CPLANE1: variants seen among roughly 807,000 people sequenced by gnomAD.
CPLANE1 encodes the protein ciliogenesis and planar polarity effector 1.
A neutral mutation model predicts 362.5 loss-of-function variants in CPLANE1; 263 were observed. The ratio of observed to expected loss-of-function variants is 0.73; its 90% CI spans 0.66 to 0.80. CPLANE1 has a LOEUF of 0.80. Among genes scored for constraint, CPLANE1 ranks in the 30% least tolerant of loss-of-function variants. CPLANE1 has a pLI of 0.00. For missense variants in CPLANE1, 3,461 were observed against 3,793.4 expected (o/e 0.91, Z 2.30); for synonymous variants, 1,212 against 1,302.6 (o/e 0.93, Z 1.50).
At chr5:37,246,062 T>C (rs1739518458) in intron 2 of CPLANE1, 1 of 324,734 alleles carries the variant, frequency 3.1e-6, no homozygotes, top group Middle Eastern at 8.4e-4. Context: ...TAAGGCTACC[T>C]AGTAGTTGTA....
At chr5:37,113,945 TG>T (rs1760123824) in intron 51 of CPLANE1, among the ~76,000 whole-genome samples, 1 of 152,134 alleles carries the variant, frequency 6.6e-6, no homozygotes, top group African/African-American at 2.4e-5. Context: ...CCCAAGTAGC[TG>T]GGACTACAGG....
chr5:37,170,555 G>T (rs997216573), intron 32 of CPLANE1, among the ~76,000 whole-genome samples: 1 of 151,834 alleles, frequency 6.6e-6, no homozygotes, highest in Non-Finnish European at 1.5e-5. Flanking sequence ...ATACTCACTT[G>T]CGAATGAAAC....
chr5:37,187,273 T>A (rs1784343716), intron 23 of CPLANE1, 141 bp downstream of exon 23: 1 of 661,654 alleles, frequency 1.5e-6, no homozygotes, highest in Non-Finnish European at 2.5e-6. Flanking sequence ...TCCTACAGTA[T>A]TTACCTTTTT....
Position 37,124,520 on chromosome 5 carries a change from T to G in CPLANE1, c.8958+724A>C, listed in dbSNP as rs73095712. Among the ~76,000 whole-genome samples the G allele has an allele frequency of 7.3e-3, 1,107 of 152,284 alleles. 17 individuals are homozygous for G. The highest frequency in any genetic ancestry group is 0.025 in the African/African-American group (1,041 of 41,548). Reference sequence around the variant, plus strand: ...TTTTGTATTCTTTGTAGGTAACTTATGAACAGAAAATTGAAGGGTTTTTTA... The same window carrying G: ...TTTTGTATTCTTTGTAGGTAACTTAGGAACAGAAAATTGAAGGGTTTTTTA... On this transcript the variant is annotated intron_variant, in intron 47 of 52. Coordinates refer to ENST00000651892, the MANE Select transcript of CPLANE1 (RefSeq NM_001384732.1).
At chr5:37,111,602 G>C (rs1281027220) in intron 51 of CPLANE1, among the ~76,000 whole-genome samples, 2 of 152,184 alleles carry the variant, frequency 1.3e-5, no homozygotes, top group African/African-American at 2.4e-5. Context: ...AGACAGCTTA[G>C]GGATTTTTCT....
rs1554117690 is a variant in CPLANE1 at position 37,245,780 on chromosome 5, C to T, written c.147G>A (p.Lys49=). 5 of 1,534,558 alleles carry T rather than the reference C, an allele frequency of 3.3e-6. No individual in the cohort carries two copies. The highest frequency in any genetic ancestry group is 2.8e-5 in the African/African-American group (2 of 72,380). Reference sequence around the variant, plus strand: ...GCAGACTAGGAATTTTCTTCTTTATCTTTCCTGATAGCAAATTAATTTCAT... The same window carrying T: ...GCAGACTAGGAATTTTCTTCTTTATTTTTCCTGATAGCAAATTAATTTCAT... ...FINEINLLSG[K]IKKKIPSLQP... The change falls in exon 3 of 53, where the codon AAG becomes AAA. Residue 49 remains lysine, a synonymous_variant. Transcript: ENST00000651892.
At chr5:37,141,683 A>C (rs571873721) in intron 44 of CPLANE1, 4 of 984,552 alleles carry the variant, frequency 4.1e-6, no homozygotes, top group Admixed American at 6.1e-5. Context: ...AGAGAAAAAA[A>C]ATATTTCCAA....
intron 44 of CPLANE1, chr5:37,140,173 T>C (rs1769233475): frequency 1.1e-6 from 1 of 872,520 alleles, no homozygotes; most frequent in Admixed American, 6.2e-5. Context: ...GTTTAATTCT[T>C]CTATATGTTT....
rs1740563627 is a variant in CPLANE1, at chr5:37,248,405, C to T, written c.-47-660G>A. 2.6e-5 allele frequency among the ~76,000 whole-genome samples: 4 copies of T among 152,186 alleles called. No homozygotes were observed. In the South Asian group the frequency reaches 8.3e-4, roughly 31 times the overall value. ...TCAGCCTCCCAAAGTGCTGGGATTA[C>T]AGGCGTGATCCACTGTGCCCGGCCA... On this transcript the variant is annotated intron_variant, in intron 1 of 52. Transcript: ENST00000651892.
Position 37,108,465 on chromosome 5 carries a change from T to G in CPLANE1, c.9407A>C (p.Asn3136Thr). Residue 3136 changes from asparagine (N) to threonine (T), a missense_variant, in exon 52 of 53, where the codon AAT becomes ACT. Physicochemically the swap from Asn to Thr is moderately conservative, Grantham distance 65. This residue lies in a region of CPLANE1 where 3,380 missense variants were observed against 3,666.1 expected (regional missense o/e 0.92). Coordinates refer to ENST00000651892, the MANE Select transcript of CPLANE1 (RefSeq NM_001384732.1). Reference protein sequence around the residue: ...QSPVTFQKGSNAPCHSLQHTK... With the variant: ...QSPVTFQKGSTAPCHSLQHTK... Reference sequence around the variant, plus strand: ...ATGCTGCAGACTATGACACGGAGCATTAGAGCCTTTTAAGGGATAAGAACA... The same window carrying G: ...ATGCTGCAGACTATGACACGGAGCAGTAGAGCCTTTTAAGGGATAAGAACA... The G allele has an allele frequency of 1.2e-6, 2 of 1,612,448 alleles. No homozygotes were observed. The highest frequency in any genetic ancestry group is 1.7e-6 in the Non-Finnish European group (2 of 1,179,632).
At chr5:37,237,231 T>A (rs1799198983) in intron 8 of CPLANE1, among the ~76,000 whole-genome samples, 1 of 152,186 alleles carries the variant, frequency 6.6e-6, no homozygotes, top group African/African-American at 2.4e-5. Flanking sequence ...AAATGTGGTG[T>A]GTGTATATAT....
chr5:37,180,905 C>A lies in CPLANE1; in HGVS notation c.5522G>T (p.Gly1841Val). 6.2e-7 allele frequency: 1 copy of A among 1,614,054 alleles called. No individual in the cohort carries two copies. The highest frequency in any genetic ancestry group is 8.5e-7 in the Non-Finnish European group (1 of 1,179,948). Residue 1841 changes from glycine (G) to valine (V), a missense_variant, in exon 27 of 53, where the codon GGA (glycine) becomes GTA (valine). This residue lies in a region of CPLANE1 where 3,380 missense variants were observed against 3,666.1 expected (regional missense o/e 0.92). Coordinates refer to ENST00000651892, the MANE Select transcript of CPLANE1 (RefSeq NM_001384732.1). ...ATTCTGACCATTTCTTTCCTCAGTT[C>A]CACCTGGAGTTGCTACTGCAACTGA... ...GGSVAVATPG[G>V]TEERNGQNKS...
chr5:37,185,513 A>C (rs1783751048), intron 24 of CPLANE1, among the ~76,000 whole-genome samples: 1 of 152,152 alleles, frequency 6.6e-6, no homozygotes, highest in African/African-American at 2.4e-5. Flanking sequence ...AATAAGAAAC[A>C]ATAGCAAGGG....
At chr5:37,202,131 T>C (rs1789368926) in intron 18 of CPLANE1, among the ~76,000 whole-genome samples, 1 of 150,886 alleles carries the variant, frequency 6.6e-6, no homozygotes, top group Non-Finnish European at 1.5e-5. Flanking sequence ...CAAAATAATA[T>C]AAAAGATTGT....
At chr5:37,118,638 G>A (rs1482260200) in intron 50 of CPLANE1, among the ~76,000 whole-genome samples, 2 of 151,952 alleles carry the variant, frequency 1.3e-5, no homozygotes, top group Non-Finnish European at 2.9e-5. Context: ...CTTTAAAGTG[G>A]GAACATAATA....
At chr5:37,103,145 T>G (rs1278466130), downstream of CPLANE1, among the ~76,000 whole-genome samples, 1 of 152,230 alleles carries the variant, frequency 6.6e-6, no homozygotes, top group African/African-American at 2.4e-5. Context: ...TGTAATGGCC[T>G]TCTTTTTTTA....
chr5:37,081,452 A>T, the CPLANE1 span, among the ~76,000 whole-genome samples: 7 of 152,080 alleles, frequency 4.6e-5, no homozygotes, highest in East Asian at 1.2e-3. Flanking sequence ...CCTCCGGAGT[A>T]GCTGGGACTA....
At chr5:37,155,182 T>C (rs1774718861) in intron 41 of CPLANE1, among the ~76,000 whole-genome samples, 1 of 152,200 alleles carries the variant, frequency 6.6e-6, no homozygotes, top group Non-Finnish European at 1.5e-5. Context: ...ACAGAAATCA[T>C]GTTCCTTTTC....
intron 41 of CPLANE1, among the ~76,000 whole-genome samples, 165 bp from the exon 42 acceptor site, chr5:37,154,158 G>A (rs1442420483): frequency 1.3e-5 from 2 of 151,994 alleles, no homozygotes; most frequent in African/African-American, 2.4e-5. Context: ...CTTGATTTCT[G>A]GGATAAGAAT....
Sources: gnomAD v4.1 joint callset for allele counts (sites outside exome capture counted in the v4.1 genomes callset) on GRCh38, gnomAD v4.1.1 for gene constraint, gnomAD v4.1.1 regional missense constraint, MANE v1.5 for transcripts, NCBI Gene and HGNC (gene_info 2026-07-23, HGNC 2026-07-21) for gene names.